SCOC: variants seen among roughly 807,000 people sequenced by gnomAD.
The protein encoded by SCOC is short coiled-coil protein.
Under a neutral mutation model 9.9 loss-of-function variants are expected in SCOC, and 7 were observed. That is an observed-to-expected ratio of 0.71 (90% CI 0.40 to 1.33). The LOEUF is 1.33. SCOC is among the 40% of genes most tolerant of loss of function. The pLI, the probability that SCOC is intolerant of heterozygous loss-of-function variation, is 0.01. For synonymous variants in SCOC, 19 were observed against 28.2 expected (o/e 0.67, Z 1.03); for missense variants, 66 against 89.7 (o/e 0.74, Z 1.07).
At chr4:140,334,839 C>A (rs1732914174) in intron 1 of SCOC, among the ~76,000 whole-genome samples, 1 of 152,164 alleles carries the variant, frequency 6.6e-6, no homozygotes, top group Non-Finnish European at 1.5e-5. Context: ...TGATGGCTCA[C>A]ACCTGTAATC....
intron 1 of SCOC, among the ~76,000 whole-genome samples, chr4:140,299,447 G>T (rs573138167): frequency 1.3e-5 from 2 of 152,200 alleles, no homozygotes; most frequent in Admixed American, 1.3e-4. Context: ...TTCTTTTAAA[G>T]AATTGGGACT....
chr4:140,349,076 C>G (rs544606106), intron 2 of SCOC, among the ~76,000 whole-genome samples: 2 of 152,098 alleles, frequency 1.3e-5, no homozygotes, highest in African/African-American at 4.8e-5. Flanking sequence ...CTTGCATTTT[C>G]CACTTTTGAC....
intron 1 of SCOC, among the ~76,000 whole-genome samples, chr4:140,307,965 C>T (rs960856534): frequency 1.3e-5 from 2 of 152,104 alleles, no homozygotes; most frequent in Non-Finnish European, 2.9e-5. Flanking sequence ...CACAGGAAGA[C>T]GGCCTTTATG....
intron 1 of SCOC, among the ~76,000 whole-genome samples, chr4:140,297,273 G>T (rs1014834948): frequency 1.5e-4 from 23 of 151,210 alleles, no homozygotes; most frequent in Non-Finnish European, 2.1e-4. Flanking sequence ...TGACTGTGGG[G>T]GGGGGGGCAC....
chr4:140,300,656 T>C (rs939557877), intron 1 of SCOC, among the ~76,000 whole-genome samples: 8 of 152,202 alleles, frequency 5.3e-5, no homozygotes, highest in African/African-American at 1.9e-4. Context: ...GTCTCTCTTG[T>C]ATTGTTCAAG....
chr4:140,286,699 G>A (rs1363999091), intron 1 of SCOC, among the ~76,000 whole-genome samples: 1 of 152,236 alleles, frequency 6.6e-6, no homozygotes, highest in East Asian at 1.9e-4. Flanking sequence ...CCAATATCAC[G>A]GTTGGTTAGC....
At chr4:140,361,779 G>A (rs1727480533) in intron 2 of SCOC, among the ~76,000 whole-genome samples, 1 of 152,162 alleles carries the variant, frequency 6.6e-6, no homozygotes, top group Admixed American at 6.5e-5. Flanking sequence ...AGAAACTTCT[G>A]TGAGTGACAA....
chr4:140,275,050 C>T (rs564974524), intron 1 of SCOC, among the ~76,000 whole-genome samples: 1 of 152,360 alleles, frequency 6.6e-6, no homozygotes, highest in South Asian at 2.1e-4. Flanking sequence ...TTTTGCACCT[C>T]AGATTCACAG....
chr4:140,266,953 C>A (rs1236096742), intron 1 of SCOC, among the ~76,000 whole-genome samples: 3 of 152,102 alleles, frequency 2.0e-5, no homozygotes, highest in Non-Finnish European at 4.4e-5. Context: ...TCTCTCTCAC[C>A]CTACAAGCTC....
At chr4:140,354,509 C>CT (rs397878492) in intron 2 of SCOC, among the ~76,000 whole-genome samples, 3,795 of 103,582 alleles carry the variant, frequency 0.037, 104 homozygotes, top group East Asian at 0.13. Context: ...TCTCAAAGAA[C>CT]TTTTTTTTTT....
At chr4:140,337,851 C>A (rs2126503215) in intron 1 of SCOC, among the ~76,000 whole-genome samples, 1 of 152,260 alleles carries the variant, frequency 6.6e-6, no homozygotes, top group South Asian at 2.1e-4. Flanking sequence ...GGATTCACAG[C>A]TGAATTCTAC....
At chr4:140,354,809 C>T (rs903698147) in intron 2 of SCOC, among the ~76,000 whole-genome samples, 1 of 151,752 alleles carries the variant, frequency 6.6e-6, no homozygotes, top group Non-Finnish European at 1.5e-5. Flanking sequence ...TGTAGATTCT[C>T]AATTCTGGTG....
intron 1 of SCOC, chr4:140,373,928 C>T (rs1362914705): frequency 2.9e-6 from 2 of 701,034 alleles, no homozygotes; most frequent in South Asian, 1.5e-5. Context: ...CTCCTGTTTT[C>T]GTTGTCAGGC....
At chr4:140,331,319 T>A (rs757100993) in intron 1 of SCOC, among the ~76,000 whole-genome samples, 1 of 152,228 alleles carries the variant, frequency 6.6e-6, no homozygotes, top group African/African-American at 2.4e-5. Context: ...TGTTCTCCTC[T>A]GCTTCCAATC....
chr4:140,366,960 CTT>C (rs1727829689), intron 2 of SCOC: 5 of 483,830 alleles, frequency 1.0e-5, no homozygotes, highest in Non-Finnish European at 1.9e-5. Context: ...AATCCCAGCA[CTT>C]TGGGAGGCCC....
At chr4:140,337,462 C>G (rs1732989676) in intron 1 of SCOC, among the ~76,000 whole-genome samples, 1 of 152,110 alleles carries the variant, frequency 6.6e-6, no homozygotes, top group Non-Finnish European at 1.5e-5. Flanking sequence ...CAGTGTGGTA[C>G]TGGCATAAAA....
intron 1 of SCOC, among the ~76,000 whole-genome samples, chr4:140,316,518 T>C (rs1732323775): frequency 1.3e-5 from 2 of 152,222 alleles, no homozygotes; most frequent in Admixed American, 1.3e-4. Context: ...TGTGTCTTTG[T>C]TTTAGTGTCC....
chr4:140,366,035 A>G (rs1237568952), intron 2 of SCOC, among the ~76,000 whole-genome samples: 2 of 152,248 alleles, frequency 1.3e-5, no homozygotes, highest in African/African-American at 4.8e-5. Flanking sequence ...AGGAACTCTA[A>G]CAAGTTGATT....
intron 1 of SCOC, chr4:140,376,379 C>T (rs1250957047): frequency 6.6e-6 from 1 of 152,086 alleles, no homozygotes; most frequent in South Asian, 2.1e-4. Context: ...GTTCTTTTGT[C>T]GTGGAAAGGC....
Sources: gnomAD v4.1 joint callset for allele counts (sites outside exome capture counted in the v4.1 genomes callset) on GRCh38, gnomAD v4.1.1 for gene constraint, MANE v1.5 for transcripts, NCBI Gene and HGNC (gene_info 2026-07-23, HGNC 2026-07-21) for gene names.